NRXN3: variants seen among roughly 807,000 people sequenced by gnomAD.
The protein encoded by NRXN3 is neurexin 3.
In NRXN3, 32 loss-of-function variants were observed where a neutral mutation model predicts 137.6. That is an observed-to-expected ratio of 0.23 (90% CI 0.18 to 0.31). The LOEUF is 0.31. NRXN3 is among the 10% of genes least tolerant of loss of function. The pLI is 1.00. For missense variants in NRXN3, 1,574 were observed against 2,062.5 expected (o/e 0.76, Z 4.59); for synonymous variants, 798 against 784.5 (o/e 1.02, Z -0.29).
rs141052794 is a variant in NRXN3 at position 79,417,800 on chromosome 14, C to T, written c.3263-49421C>T. 7.2e-5 allele frequency among the ~76,000 whole-genome samples: 11 copies of T among 152,060 alleles called. No homozygotes were observed. In the East Asian group the frequency reaches 1.9e-3, roughly 27 times the overall value. On this transcript the variant is annotated intron_variant, in intron 15 of 20. Coordinates refer to ENST00000335750, the MANE Select transcript of NRXN3 (RefSeq NM_001330195.2). Reference sequence around the variant, plus strand: ...AATAGGGATTGAAAAAGTTCAATCCCCATGCTCAAAAACACATACTTCCAG... The same window carrying T: ...AATAGGGATTGAAAAAGTTCAATCCTCATGCTCAAAAACACATACTTCCAG...
intron 8 of NRXN3, among the ~76,000 whole-genome samples, chr14:78,731,538 A>G (rs941194398): frequency 4.6e-5 from 7 of 151,926 alleles, no homozygotes; most frequent in South Asian, 2.1e-4. Context: ...TAACTGTACC[A>G]AGCAGAAATG....
chr14:78,731,895 G>A (rs2098517584), intron 8 of NRXN3, among the ~76,000 whole-genome samples: 1 of 37,206 alleles, frequency 2.7e-5, no homozygotes, highest in African/African-American at 7.2e-5. Context: ...GATTTTTAAT[G>A]ACTTCAAAGT....
At chr14:78,375,947 G>A (rs1402878270) in intron 4 of NRXN3, among the ~76,000 whole-genome samples, 1 of 151,880 alleles carries the variant, frequency 6.6e-6, no homozygotes, top group Non-Finnish European at 1.5e-5. Context: ...ATGGTTCAGT[G>A]TTAGTGAAAA....
intron 15 of NRXN3, among the ~76,000 whole-genome samples, chr14:79,027,390 T>G (rs1270381773): frequency 6.6e-6 from 1 of 152,066 alleles, no homozygotes; most frequent in Admixed American, 6.6e-5. Flanking sequence ...GGAAGTTAAA[T>G]GACTATCTTT....
chr14:78,476,887 T>C (rs2095389342), intron 4 of NRXN3, among the ~76,000 whole-genome samples: 1 of 152,232 alleles, frequency 6.6e-6, no homozygotes, highest in Non-Finnish European at 1.5e-5. Flanking sequence ...CATAACACCT[T>C]AGATGAAATG....
At chr14:78,704,724 T>C (rs900833707) in intron 6 of NRXN3, among the ~76,000 whole-genome samples, 1 of 152,166 alleles carries the variant, frequency 6.6e-6, no homozygotes, top group Non-Finnish European at 1.5e-5. Context: ...GCCTACATGA[T>C]CTTGGGCAAG....
intron 15 of NRXN3, among the ~76,000 whole-genome samples, chr14:79,108,706 C>T (rs1045894600): frequency 1.2e-4 from 19 of 152,116 alleles, no homozygotes; most frequent in African/African-American, 4.6e-4. Flanking sequence ...AATGAACTCT[C>T]TGCTTCTAGT....
At chr14:78,786,626 T>A (rs1390916588) in intron 8 of NRXN3, among the ~76,000 whole-genome samples, 1 of 152,144 alleles carries the variant, frequency 6.6e-6, no homozygotes, top group Non-Finnish European at 1.5e-5. Flanking sequence ...TCTCATTCCA[T>A]AGCTAACTTT....
chr14:78,969,849 GTGTGTGTA>G (rs1281854030), intron 14 of NRXN3, among the ~76,000 whole-genome samples: 1 of 151,386 alleles, frequency 6.6e-6, no homozygotes, highest in African/African-American at 2.4e-5. Flanking sequence ...GTGTGTGTGT[GTGTGTGTA>G]TAAAGGGACA....
intron 19 of NRXN3, among the ~76,000 whole-genome samples, chr14:79,739,698 G>A (rs528933873): frequency 6.9e-6 from 1 of 145,542 alleles, no homozygotes; most frequent in South Asian, 2.3e-4. Flanking sequence ...CTCCAATGGT[G>A]CGATCAGGTG....
At chr14:78,876,924 A>G (rs1009135290) in intron 10 of NRXN3, among the ~76,000 whole-genome samples, 2 of 152,158 alleles carry the variant, frequency 1.3e-5, no homozygotes, top group African/African-American at 4.8e-5. Flanking sequence ...CCATACTTCC[A>G]TTGCTTCTTC....
At chr14:79,309,776 G>T (rs1046942452) in intron 15 of NRXN3, among the ~76,000 whole-genome samples, 1 of 149,122 alleles carries the variant, frequency 6.7e-6, no homozygotes, top group African/African-American at 2.5e-5. Flanking sequence ...TTTTGATGGG[G>T]TTGTTTGATT....
chr14:78,450,431 G>A (rs1429501313), intron 4 of NRXN3, among the ~76,000 whole-genome samples: 1 of 152,198 alleles, frequency 6.6e-6, no homozygotes, highest in Non-Finnish European at 1.5e-5. Context: ...GGTAGGGCAG[G>A]AACTGTGCTC....
rs185547311 is a variant in NRXN3, at chr14:78,295,015, T to C, written c.728-2816T>C. Among the ~76,000 whole-genome samples the C allele has an allele frequency of 9.7e-4, 148 of 152,270 alleles. 3 individuals are homozygous for C. The highest frequency in any genetic ancestry group is 6.8e-3 in the Middle Eastern group (2 of 294). On this transcript the variant is annotated intron_variant, in intron 3 of 20. Coordinates refer to ENST00000335750, the MANE Select transcript of NRXN3 (RefSeq NM_001330195.2). ...GGGGCTTGAGATTTTTAGCAACAAG[T>C]AGGAGTGTTTTGAGGTAGAAGGCGG...
At chr14:79,230,984 A>G (rs2072079142) in intron 15 of NRXN3, among the ~76,000 whole-genome samples, 1 of 152,270 alleles carries the variant, frequency 6.6e-6, no homozygotes. Flanking sequence ...CATCAGCTAT[A>G]TTTATTTAAG....
intron 4 of NRXN3, among the ~76,000 whole-genome samples, chr14:78,374,253 C>T (rs956730341): frequency 6.6e-6 from 1 of 152,060 alleles, no homozygotes; most frequent in Admixed American, 6.5e-5. Flanking sequence ...GTTTATGTGC[C>T]TAAGTGTGCT....
intron 6 of NRXN3, among the ~76,000 whole-genome samples, chr14:78,681,631 T>C (rs751185956): frequency 3.3e-5 from 5 of 152,144 alleles, no homozygotes; most frequent in Non-Finnish European, 7.3e-5. Flanking sequence ...ATGGACTTGG[T>C]TTATTTTATA....
At position 78,323,150 on chromosome 14, in the gene NRXN3, G is replaced by A. The variant is rs947861805; in HGVS notation, c.757+25290G>A. ...TAGGAAAAGAACTTGAAGATTTAAA[G>A]TGAATTTAAAATTGTATATATCTTC... On this transcript the variant is annotated intron_variant, in intron 4 of 20. Coordinates refer to ENST00000335750, the MANE Select transcript of NRXN3 (RefSeq NM_001330195.2). 2.0e-5 allele frequency among the ~76,000 whole-genome samples: 3 copies of A among 152,060 alleles called. No homozygotes were observed. The South Asian group carries it at 6.2e-4, about 31-fold the overall frequency.
At chr14:79,364,931 C>A (rs1025304487) in intron 15 of NRXN3, among the ~76,000 whole-genome samples, 1 of 152,076 alleles carries the variant, frequency 6.6e-6, no homozygotes, top group Non-Finnish European at 1.5e-5. Flanking sequence ...AACCAGCACT[C>A]TTCTATATAT....
Sources: allele counts gnomAD v4.1 joint callset (sites outside exome capture counted in the v4.1 genomes callset), GRCh38; gene constraint gnomAD v4.1.1; transcripts MANE v1.5; gene names NCBI Gene and HGNC (gene_info 2026-07-23, HGNC 2026-07-21).